The following CACNG2 variants were observed in gnomAD, a reference collection of about 807,000 sequenced individuals.
The protein encoded by CACNG2 is calcium voltage-gated channel auxiliary subunit gamma 2.
CACNG2 carries 3 observed loss-of-function variants against 25.9 expected under a neutral mutation model. That is an observed-to-expected ratio of 0.12 (90% confidence interval 0.05 to 0.30). CACNG2 has a LOEUF of 0.30. Ranked by LOEUF, CACNG2 falls within the 10% of genes least tolerant of loss-of-function variation. The pLI, the probability that CACNG2 is intolerant of heterozygous loss-of-function variation, is 1.00. For synonymous variants in CACNG2, 167 were observed against 173.3 expected (o/e 0.96, Z 0.29); for missense variants, 341 against 432.5 (o/e 0.79, Z 1.88).
intron 1 of CACNG2, among the ~76,000 whole-genome samples, chr22:36,659,405 AG>A (rs1226093426): frequency 6.6e-6 from 1 of 152,088 alleles, no homozygotes; most frequent in African/African-American, 2.4e-5. Flanking sequence ...ACCAGGTCAA[AG>A]GCTGCTCCAC....
At chr22:36,617,478 T>C (rs1936040038) in intron 1 of CACNG2, among the ~76,000 whole-genome samples, 1 of 151,976 alleles carries the variant, frequency 6.6e-6, no homozygotes, top group South Asian at 2.1e-4. Context: ...GTGTAAACCT[T>C]GGCTTTGTCA....
rs201305486 is a variant in CACNG2 at position 36,589,305 on chromosome 22, A to ATG, written c.212-1758_212-1757insCA. ...GTGCCCAGCCTAGACATATATATAT[A>ATG]TATGTGTGTGTGTGTATAAAATAGA... is the stretch of plus-strand genomic sequence containing the variant. On this transcript the variant is annotated intron_variant, in intron 1 of 3. Transcript: ENST00000300105. 3.4e-3 allele frequency among the ~76,000 whole-genome samples: 524 copies of ATG among 152,180 alleles called. 4 individuals are homozygous for ATG. Among genetic ancestry groups the ATG allele is most frequent in the African/African-American group, 0.011 (460 of 41,536 alleles).
chr22:36,565,021 G>C, intron 3 of CACNG2, 135 bp from the exon 4 acceptor site: 2 of 743,972 alleles, frequency 2.7e-6, no homozygotes, highest in Non-Finnish European at 4.6e-6. Flanking sequence ...TCATGAACAG[G>C]TGGGGCGGTG....
chr22:36,689,216 G>A (rs1254046307), intron 1 of CACNG2, among the ~76,000 whole-genome samples: 10 of 152,080 alleles, frequency 6.6e-5, no homozygotes, highest in Admixed American at 2.6e-4. Flanking sequence ...GAGCAGGGGC[G>A]TGTCTTCTGA....
chr22:36,674,374 G>T (rs1217954644), intron 1 of CACNG2, among the ~76,000 whole-genome samples: 1 of 152,146 alleles, frequency 6.6e-6, no homozygotes, highest in African/African-American at 2.4e-5. Context: ...TGTCACCCAG[G>T]CTGGAGTGTA....
chr22:36,663,558 C>T (rs1173164579), intron 1 of CACNG2, among the ~76,000 whole-genome samples: 1 of 152,194 alleles, frequency 6.6e-6, no homozygotes, highest in Non-Finnish European at 1.5e-5. Context: ...AGAAAAACGA[C>T]TCTTTCCCTT....
chr22:36,690,574 A>G (rs1320728621), intron 1 of CACNG2, among the ~76,000 whole-genome samples: 1 of 152,192 alleles, frequency 6.6e-6, no homozygotes, highest in Non-Finnish European at 1.5e-5. Flanking sequence ...GGAGCATCCC[A>G]CCAAAATTTC....
At chr22:36,678,421 C>T (rs1937044149) in intron 1 of CACNG2, among the ~76,000 whole-genome samples, 1 of 152,054 alleles carries the variant, frequency 6.6e-6, no homozygotes, top group African/African-American at 2.4e-5. Context: ...TCCTCTCTGA[C>T]CTTAGGGATC....
At chr22:36,686,715 G>A (rs990660328) in intron 1 of CACNG2, among the ~76,000 whole-genome samples, 15 of 152,224 alleles carry the variant, frequency 9.9e-5, no homozygotes, top group African/African-American at 3.6e-4. Flanking sequence ...CTGGGACCCG[G>A]GCACAGGGGT....
At chr22:36,568,871 G>A (rs995248044) in intron 2 of CACNG2, among the ~76,000 whole-genome samples, 11 of 151,870 alleles carry the variant, frequency 7.2e-5, no homozygotes, top group African/African-American at 1.2e-4. Context: ...AAGCAGGGGT[G>A]GGAGGATGGG....
At chr22:36,698,157 C>T (rs751169313) in intron 1 of CACNG2, among the ~76,000 whole-genome samples, 1 of 152,062 alleles carries the variant, frequency 6.6e-6, no homozygotes, top group Non-Finnish European at 1.5e-5. Context: ...CCTTTCTCTC[C>T]CTCTCTTCTT....
intron 1 of CACNG2, among the ~76,000 whole-genome samples, chr22:36,591,739 A>G (rs1935596019): frequency 6.6e-6 from 1 of 152,014 alleles, no homozygotes; most frequent in Admixed American, 6.5e-5. Flanking sequence ...GAGATGGGGG[A>G]GCAATACAGG....
chr22:36,631,345 C>T (rs1381861060), intron 1 of CACNG2, among the ~76,000 whole-genome samples: 1 of 152,146 alleles, frequency 6.6e-6, no homozygotes, highest in African/African-American at 2.4e-5. Context: ...CCCTGGGGTG[C>T]ATGTGACCCT....
chr22:36,666,977 A>G (rs1375511775), intron 1 of CACNG2, among the ~76,000 whole-genome samples: 1 of 148,812 alleles, frequency 6.7e-6, no homozygotes, highest in African/African-American at 2.5e-5. Context: ...ACTCACACGC[A>G]ACATGGGATC....
chr22:36,667,216 G>T (rs1936887396), intron 1 of CACNG2, among the ~76,000 whole-genome samples: 1 of 152,156 alleles, frequency 6.6e-6, no homozygotes, highest in Non-Finnish European at 1.5e-5. Flanking sequence ...GCCTTCCAAA[G>T]TGCTGGGATT....
At chr22:36,610,735 G>A (rs1935927004) in intron 1 of CACNG2, among the ~76,000 whole-genome samples, 1 of 152,214 alleles carries the variant, frequency 6.6e-6, no homozygotes, top group East Asian at 1.9e-4. Context: ...AAGTTACTGA[G>A]AGAAGTTGCA....
chr22:36,643,474 GTCTATCTA>G (rs66945856), intron 1 of CACNG2, among the ~76,000 whole-genome samples: 7,647 of 149,208 alleles, frequency 0.051, 368 homozygotes, highest in East Asian at 0.22. Context: ...CTATCTGTCT[GTCTATCTA>G]TCTATCTATC....
chr22:36,583,145 T>A (rs1935447267), intron 2 of CACNG2, among the ~76,000 whole-genome samples: 1 of 146,186 alleles, frequency 6.8e-6, no homozygotes, highest in Non-Finnish European at 1.5e-5. Context: ...CAGGAAGAAT[T>A]AATTTAGGGC....
At position 36,561,975 on chromosome 22, in the gene CACNG2, A is replaced by G. The variant is rs1285522981; in HGVS notation, c.*2376T>C. 2 of 152,266 alleles carry G rather than the reference A, an allele frequency of 1.3e-5. No individual in the cohort carries two copies. The highest frequency in any genetic ancestry group is 2.9e-5 in the Non-Finnish European group (2 of 68,094). The allele number at this position is 152,266 out of a possible 1,614,324, so 9.4% of individuals were successfully genotyped here. ...GGATCCTCTTTTTCACAGACCCCCA[A>G]AGACACTGGGGAAGCCCTGGTGGCA... On this transcript the variant is annotated 3_prime_UTR_variant, in exon 4 of 4. Transcript: ENST00000300105.
Sources: allele counts gnomAD v4.1 joint callset (sites outside exome capture counted in the v4.1 genomes callset), GRCh38; gene constraint gnomAD v4.1.1; transcripts MANE v1.5; gene names NCBI Gene and HGNC (gene_info 2026-07-23, HGNC 2026-07-21).